Variants in CARS1 observed in about 807,000 individuals in gnomAD.
CARS1 encodes the protein cysteine--tRNA ligase, cytoplasmic.
In CARS1, 48 loss-of-function variants were observed where a neutral mutation model predicts 106.2. That is an observed-to-expected ratio of 0.45 (90% confidence interval 0.36 to 0.57). The LOEUF (loss-of-function observed/expected upper bound fraction) is 0.57, where lower values mean the gene tolerates loss of function less well. Ranked by LOEUF, CARS1 falls within the 20% of genes least tolerant of loss-of-function variation. The probability of loss-of-function intolerance (pLI) is 0.00; values close to 1 mark genes in which losing one functional copy is unlikely to be tolerated. For missense variants in CARS1, 968 were observed against 1,057.2 expected, an observed-to-expected ratio of 0.92 and a Z score of 1.17; for synonymous variants, 409 against 403.4, an observed-to-expected ratio of 1.01 and a Z score of -0.17.
In CARS1 at chr11:3,028,360, T is replaced by G. The variant is rs1327069285; in HGVS notation, c.1031+636A>C. 4.5e-6 allele frequency: 2 copies of G among 441,414 alleles called. No homozygotes were observed. The highest frequency in any genetic ancestry group is 5.1e-5 in the South Asian group (2 of 39,400). The allele number at this position is 441,414 out of a possible 1,614,324, so 27.3% of individuals were successfully genotyped here. Reference sequence around the variant, plus strand: ...CCCCCGGGCCCAGCTGTCTTCTCTTTTATCTCTTTGTCTTGTGTCTTTATT... The same window carrying G: ...CCCCCGGGCCCAGCTGTCTTCTCTTGTATCTCTTTGTCTTGTGTCTTTATT... On this transcript the variant is annotated intron_variant, in intron 9 of 22. Coordinates refer to ENST00000380525, the MANE Select transcript of CARS1 (RefSeq NM_001014437.3). The surrounding 1 kb of genome is among the most constrained non-coding windows in gnomAD (Gnocchi z 4.4).
chr11:3,018,596 T>C (rs748772618), intron 13 of CARS1, 24 bp downstream of exon 13: 3 of 1,613,132 alleles, frequency 1.9e-6, no homozygotes, highest in Non-Finnish European at 1.7e-6. Context: ...GGTTGGGGGG[T>C]CTGTGGGAGA....
chr11:3,051,515 T>A (rs1406946603), intron 1 of CARS1, among the ~76,000 whole-genome samples: 1 of 152,222 alleles, frequency 6.6e-6, no homozygotes, highest in Non-Finnish European at 1.5e-5. Flanking sequence ...AGTGAGGTCC[T>A]GGAAAACTAA....
chr11:3,036,278 T>C (rs1231268830), intron 7 of CARS1, among the ~76,000 whole-genome samples: 1 of 152,230 alleles, frequency 6.6e-6, no homozygotes, highest in Non-Finnish European at 1.5e-5. Context: ...TGAGTCCTTC[T>C]AGGGCCCCAG....
chr11:3,053,224 T>C lies in CARS1; in HGVS notation c.25+4119A>G, dbSNP rs1017746634. On this transcript the variant is annotated intron_variant, in intron 1 of 22. Coordinates refer to ENST00000380525, the MANE Select transcript of CARS1 (RefSeq NM_001014437.3). The surrounding 1 kb of genome is among the most constrained non-coding windows in gnomAD (Gnocchi z 6.6). ...AGCATTTATTTTTTATTTATTTTTA[T>C]TTTATTTTATTTTATTTTATTTTTT... 3.3e-5 allele frequency among the ~76,000 whole-genome samples: 5 copies of C among 151,566 alleles called. No individual in the cohort carries two copies. Among genetic ancestry groups the C allele is most frequent in the Non-Finnish European group, 7.4e-5 (5 of 67,974 alleles).
Position 3,020,089 on chromosome 11 carries a change from G to A in CARS1, c.1266+131C>T, listed in dbSNP as rs1851432785. 5 of 675,600 alleles carry A rather than the reference G, an allele frequency of 7.4e-6. No homozygotes were observed. The highest frequency in any genetic ancestry group is 1.1e-5 in the Non-Finnish European group (4 of 375,228). 41.9% of individuals were successfully genotyped at this position (675,600 alleles called of 1,614,324 possible). On this transcript the variant is annotated intron_variant, in intron 11 of 22. Transcript: ENST00000380525. This position sits in a 1 kb window ranked among gnomAD's most constrained non-coding sequence, Gnocchi z 4.6. ...TCCCCGGGGCCAGGCAGCCTGTGCT[G>A]CACCAGCACCAGGCTCTGGCCCAGT...
At chr11:3,031,996 T>TTCCTTCCTTCCC (rs1365442301) in intron 7 of CARS1, among the ~76,000 whole-genome samples, 6 of 16,050 alleles carry the variant, frequency 3.7e-4, no homozygotes, top group Non-Finnish European at 5.9e-4. Context: ...CCTTCCTTCC[T>TTCCTTCCTTCCC]TCCCTCCCTC....
In CARS1 at chr11:3,028,850, T is replaced by C. The variant is rs1852392216; in HGVS notation, c.1031+146A>G. 1.1e-5 allele frequency: 7 copies of C among 661,916 alleles called. No homozygotes were observed. In the South Asian group the frequency reaches 1.2e-4, roughly 12 times the overall value. The allele number at this position is 661,916 out of a possible 1,614,324, so 41.0% of individuals were successfully genotyped here. On this transcript the variant is annotated intron_variant, in intron 9 of 22. Transcript: ENST00000380525. The surrounding 1 kb of genome is among the most constrained non-coding windows in gnomAD (Gnocchi z 4.4). ...CAGCCCCTGGGTGGGCCCAGAGTTG[T>C]AGGAGGAAGTCTGCTGGGACTTCTA...
At chr11:3,024,134 G>A (rs542896006) in intron 10 of CARS1, among the ~76,000 whole-genome samples, 18 of 152,162 alleles carry the variant, frequency 1.2e-4, no homozygotes, top group South Asian at 6.2e-4. Context: ...CTCGTGATCC[G>A]CCTGCCTTGG....
intron 18 of CARS1, among the ~76,000 whole-genome samples, chr11:3,010,668 A>C (rs1307747942): frequency 1.3e-5 from 2 of 151,804 alleles, no homozygotes; most frequent in Non-Finnish European, 2.9e-5. Context: ...AGTGTCCTGC[A>C]CTCTCCTGCA....
chr11:3,007,333 C>T (rs1287931999), intron 18 of CARS1: 1 of 261,968 alleles, frequency 3.8e-6, no homozygotes, highest in Non-Finnish European at 7.3e-6. Context: ...CTGGGGGTCC[C>T]TTCGGGTGCT....
rs1849592538 is a variant in CARS1, at chr11:3,003,571, G to A, written c.2218-971C>T. 6.6e-6 allele frequency among the ~76,000 whole-genome samples: 1 copy of A among 152,132 alleles called. No individual in the cohort carries two copies. Among genetic ancestry groups the A allele is most frequent in the Non-Finnish European group, 1.5e-5 (1 of 68,028 alleles). ...GGGAGGCGCCACACACAGAGCTAGG[G>A]AAAAGAAACCAGGAAGGCACAAAGG... is the stretch of plus-strand genomic sequence containing the variant. On this transcript the variant is annotated intron_variant, in intron 20 of 22. Coordinates refer to ENST00000380525, the MANE Select transcript of CARS1 (RefSeq NM_001014437.3). The surrounding 1 kb of genome is among the most constrained non-coding windows in gnomAD (Gnocchi z 4.8).
At position 3,041,250 on chromosome 11, in the gene CARS1, T is replaced by A. The variant is rs1565095292; in HGVS notation, c.367-266A>T. 6.2e-6 allele frequency: 3 copies of A among 480,114 alleles called. No homozygotes were observed. Among genetic ancestry groups the A allele is most frequent in the South Asian group, 5.2e-5 (2 of 38,712 alleles). The allele number at this position is 480,114 out of a possible 1,614,324, so 29.7% of individuals were successfully genotyped here. On this transcript the variant is annotated intron_variant, in intron 3 of 22. Transcript: ENST00000380525. The surrounding 1 kb of genome is among the most constrained non-coding windows in gnomAD (Gnocchi z 4.9). Reference sequence around the variant, plus strand: ...CTATGGAGGGAGGCGATAAAGGGAATCAATGATTTTATTGATTGTTGAAAT... The same window carrying A: ...CTATGGAGGGAGGCGATAAAGGGAAACAATGATTTTATTGATTGTTGAAAT...
chr11:3,001,325 G>A (rs756159790), intron 22 of CARS1, 77 bp from the exon 23 acceptor site: 40 of 1,523,432 alleles, frequency 2.6e-5, no homozygotes, highest in Non-Finnish European at 3.2e-5. Flanking sequence ...TTGCCCTCCC[G>A]TCTCAAAGTG....
intron 7 of CARS1, among the ~76,000 whole-genome samples, chr11:3,032,476 C>T (rs114458617): frequency 0.011 from 1,722 of 152,192 alleles, 32 homozygotes; most frequent in African/African-American, 0.039. Flanking sequence ...TCAGATCTGA[C>T]GCTTCCTCCT....
chr11:3,028,881 G>A lies in CARS1; in HGVS notation c.1031+115C>T, dbSNP rs542977476. 4.3e-5 allele frequency: 32 copies of A among 752,778 alleles called. No individual in the cohort carries two copies. The highest frequency in any genetic ancestry group is 2.5e-4 in the South Asian group (16 of 63,014). 46.6% of individuals were successfully genotyped at this position (752,778 alleles called of 1,614,324 possible). On this transcript the variant is annotated intron_variant, in intron 9 of 22. Coordinates refer to ENST00000380525, the MANE Select transcript of CARS1 (RefSeq NM_001014437.3). The surrounding 1 kb of genome is among the most constrained non-coding windows in gnomAD (Gnocchi z 4.4). ...GAAGTCTGCTGGGACTTCTAGCTAC[G>A]CAGCCCCAGAACACCTGCTCCTCTG...
intron 20 of CARS1, among the ~76,000 whole-genome samples, chr11:3,002,811 C>A (rs1425468609): frequency 6.6e-6 from 1 of 152,146 alleles, no homozygotes; most frequent in Non-Finnish European, 1.5e-5. Context: ...CTCAGCGGCA[C>A]CCCTGGGTGC....
In CARS1 at chr11:3,006,868, G is replaced by A; in HGVS notation, c.2149+11C>T. ...TGGTAACTTTGTAGCAAACAGCAAG[G>A]GCTCACCCACCTTCGTGGTCTTCAA... On this transcript the variant is annotated intron_variant, in intron 19 of 22. Transcript: ENST00000380525. 1.2e-6 allele frequency: 2 copies of A among 1,611,230 alleles called. No individual in the cohort carries two copies. The highest frequency in any genetic ancestry group is 1.7e-6 in the Non-Finnish European group (2 of 1,177,388).
chr11:3,043,231 A>T lies in CARS1; in HGVS notation c.275-975T>A, dbSNP rs893711114. 3.3e-5 allele frequency among the ~76,000 whole-genome samples: 5 copies of T among 151,918 alleles called. No homozygotes were observed. Among genetic ancestry groups the T allele is most frequent in the African/African-American group, 1.2e-4 (5 of 41,360 alleles). On this transcript the variant is annotated intron_variant, in intron 2 of 22. Transcript: ENST00000380525. This position sits in a 1 kb window ranked among gnomAD's most constrained non-coding sequence, Gnocchi z 4.0. ...ACAAGGCTGTCCTTACACAACCTGC[A>T]TCTGAGATCCCTGAAGGGGCAGAGC...
Position 3,038,333 on chromosome 11 carries a change from TG to T in CARS1, c.652-135del. The T allele has an allele frequency of 8.7e-6, 7 of 802,900 alleles. No homozygotes were observed. Among genetic ancestry groups the T allele is most frequent in the Non-Finnish European group, 1.4e-5 (7 of 493,406 alleles). 49.7% of individuals were successfully genotyped at this position (802,900 alleles called of 1,614,324 possible). ...GAGATAGAGAAGTGTGCAACCCAAG[TG>T]GCCAGGCAGTAAGGAACTAAGAGAG... On this transcript the variant is annotated intron_variant, in intron 6 of 22. Coordinates refer to ENST00000380525, the MANE Select transcript of CARS1 (RefSeq NM_001014437.3). The surrounding 1 kb of genome is among the most constrained non-coding windows in gnomAD (Gnocchi z 4.0).
Sources: gnomAD v4.1 joint callset for allele counts (sites outside exome capture counted in the v4.1 genomes callset) on GRCh38, gnomAD v4.1.1 for gene constraint, Gnocchi (gnomAD v3.1) non-coding constraint, MANE v1.5 for transcripts, NCBI Gene and HGNC (gene_info 2026-07-23, HGNC 2026-07-21) for gene names.